The following LILRB3 variants were observed in gnomAD, a reference collection of about 807,000 sequenced individuals.
The protein encoded by LILRB3 is leukocyte immunoglobulin-like receptor subfamily B member 3.
Under a neutral mutation model 68.2 loss-of-function variants are expected in LILRB3, and 32 were observed. The observed-to-expected ratio is 0.47, with a 90% CI of 0.35 to 0.63. The LOEUF (loss-of-function observed/expected upper bound fraction) is 0.63, where lower values mean the gene tolerates loss of function less well. Ranked by LOEUF, LILRB3 falls within the 30% of genes least tolerant of loss-of-function variation. The pLI is 0.00. For missense variants in LILRB3, 502 were observed against 791.3 expected (o/e 0.63, Z 4.39); for synonymous variants, 185 against 323.1 (o/e 0.57, Z 4.58).
chr19:54,220,743 C>G (rs1264869871), exon 6 of LILRB3: 4 of 1,519,954 alleles, frequency 2.6e-6, no homozygotes, highest in Non-Finnish European at 3.5e-6. Flanking sequence ...AAAATACCCC[C>G]GTGACTGACA....
exon 13 of LILRB3, chr19:54,216,664 T>C: frequency 9.6e-7 from 1 of 1,040,454 alleles, no homozygotes; most frequent in South Asian, 3.6e-5. Context: ...ATATTTACAT[T>C]ATCATTCAGT....
rs138012018 is a variant in LILRB3 at position 54,220,687 on chromosome 19, G to A, written c.1099C>T (p.Arg367Cys). 58 of 1,540,990 alleles carry A rather than the reference G, an allele frequency of 3.8e-5. 1 individual carries two copies. The African/African-American group carries it at 3.9e-4, about 10-fold the overall frequency. Residue 367 changes from arginine (R) to cysteine (C), a missense_variant, in exon 6 of 13, where the codon CGT becomes TGT. By Grantham distance (180) the Arg-to-Cys change is radical. Transcript: ENST00000445347. ...TGAGCTCCGTACATTGATCTCAGAC[G>A]CAGTGGGGGATGGGCTGCCCCTTCT...
Position 54,218,743 on chromosome 19 carries a change from G to C in LILRB3, c.1502+20C>G. ...TGGGCTGTGGTGGGTGGGAGTCTGTGGTCTTTGGGGCAGAATTACCTCCTC... is the reference window on the plus strand; with the variant it reads ...TGGGCTGTGGTGGGTGGGAGTCTGTCGTCTTTGGGGCAGAATTACCTCCTC... On this transcript the variant is annotated intron_variant, in intron 9 of 12. Coordinates refer to ENST00000445347, the Ensembl canonical transcript of LILRB3. 1 of 1,614,090 alleles carries C rather than the reference G, an allele frequency of 6.2e-7. No homozygotes were observed. The highest frequency in any genetic ancestry group is 1.7e-5 in the Admixed American group (1 of 60,010).
exon 13 of LILRB3, chr19:54,216,787 T>G (rs1314955983): frequency 8.0e-7 from 1 of 1,247,022 alleles, no homozygotes; most frequent in Non-Finnish European, 1.0e-6. Context: ...TAACTTCTTG[T>G]GTTCAAGGAA....
chr19:54,219,334 C>T (rs2077837904), intron 7 of LILRB3, 89 bp from the exon 8 acceptor site: 3 of 1,485,830 alleles, frequency 2.0e-6, no homozygotes, highest in Non-Finnish European at 9.1e-7. Flanking sequence ...TCCTTCGTGA[C>T]CTCCAACCCT....
chr19:54,219,187 G>A (rs761048888), exon 8 of LILRB3: 2 of 1,606,962 alleles, frequency 1.2e-6, no homozygotes, highest in Non-Finnish European at 8.5e-7. Flanking sequence ...GGAGGAGGAA[G>A]AGCAGCAGGA....
At chr19:54,219,415 G>A (rs2077845788) in intron 7 of LILRB3, 170 bp from the exon 8 acceptor site, 2 of 1,486,502 alleles carry the variant, frequency 1.3e-6, no homozygotes, top group Non-Finnish European at 1.8e-6. Context: ...CTGAGGCTCA[G>A]AGCAGGGAGT....
intron 7 of LILRB3, chr19:54,219,786 C>T: frequency 6.6e-7 from 1 of 1,508,582 alleles, no homozygotes; most frequent in Non-Finnish European, 9.0e-7. Flanking sequence ...ATCACCACCT[C>T]CAGAGGAGCC....
chr19:54,219,218 A>G (rs768688863), exon 8 of LILRB3: 13 of 1,596,752 alleles, frequency 8.1e-6, no homozygotes, highest in East Asian at 6.7e-5. Context: ...CGAGACCCCA[A>G]TCAAAACCTC....
At chr19:54,218,896 A>G (rs1052613854) in intron 8 of LILRB3, 58 bp from the exon 9 acceptor site, 9 of 1,607,748 alleles carry the variant, frequency 5.6e-6, no homozygotes, top group Middle Eastern at 1.7e-4. Flanking sequence ...CATTCTACAC[A>G]TGCAACTTGA....
At position 54,218,637 on chromosome 19, in the gene LILRB3, C is replaced by T. The variant is rs2077733798; in HGVS notation, c.1540+8G>A. 1.2e-6 allele frequency: 2 copies of T among 1,614,186 alleles called. No individual in the cohort carries two copies. Among genetic ancestry groups the T allele is most frequent in the Non-Finnish European group, 1.7e-6 (2 of 1,180,040 alleles). ...AGCACCCCCATTTGTCCCCTCTCTT[C>T]CTCTTACAGAGGTTTTCTTCCTGGA... is the stretch of plus-strand genomic sequence containing the variant. On this transcript the variant is annotated splice_region_variant and intron_variant, in intron 10 of 12. Transcript: ENST00000445347.
At chr19:54,218,270 T>C in intron 11 of LILRB3, 91 bp downstream of exon 11, 1 of 1,545,492 alleles carries the variant, frequency 6.5e-7, no homozygotes, top group Non-Finnish European at 8.9e-7. Context: ...GTGACGATGC[T>C]GAGAGCCGGG....
chr19:54,222,275 C>T lies in LILRB3; in HGVS notation c.355+3G>A, dbSNP rs1415882045. ...GGGCTGGGACCCCAGAGTGTCCTCT[C>T]ACCTGTCATCACCAGCTCCAGGGGG... On this transcript the variant is annotated splice_donor_region_variant and intron_variant, in intron 3 of 12. Transcript: ENST00000445347. 6.2e-7 allele frequency: 1 copy of T among 1,610,886 alleles called. No individual in the cohort carries two copies. The highest frequency in any genetic ancestry group is 1.1e-5 in the South Asian group (1 of 90,862).
intron 11 of LILRB3, 144 bp downstream of exon 11, chr19:54,218,217 A>G (rs114258812): frequency 0.02 from 22,751 of 1,146,256 alleles, 329 homozygotes; most frequent in African/African-American, 0.051. Context: ...GAGTGAGGTC[A>G]CAGCAGGCGG....
chr19:54,221,146 C>T lies in LILRB3; in HGVS notation c.892G>A (p.Gly298Ser), dbSNP rs551725848. The T allele has an allele frequency of 2.3e-5, 27 of 1,169,362 alleles. 5 individuals carry two copies. In the East Asian group the frequency reaches 3.3e-4, roughly 14 times the overall value. The allele number at this position is 1,169,362 out of a possible 1,614,324, so 72.4% of individuals were successfully genotyped here. Residue 298 changes from glycine to serine, a missense_variant, in exon 5 of 13, where the codon GGT becomes AGT. Coordinates refer to ENST00000445347, the Ensembl canonical transcript of LILRB3. ...CACTCGGAGGAGAGGTTGTGTGCAC[C>T]ATAGCACCTGTACTGGCCCCCGTAG...
In LILRB3 at chr19:54,222,149, C is replaced by A. The variant is rs780273165; in HGVS notation, c.356-19G>T. On this transcript the variant is annotated intron_variant, in intron 3 of 12. Coordinates refer to ENST00000445347, the Ensembl canonical transcript of LILRB3. The stretch of plus-strand genomic sequence containing the variant: ...TAGAATCCTAGGAGAGAAAGAGGCA[C>A]CGTGTTAAATGGGGCTCCCACCTCC... 2 of 1,608,302 alleles carry A rather than the reference C, an allele frequency of 1.2e-6. No individual in the cohort carries two copies. Among genetic ancestry groups the A allele is most frequent in the Non-Finnish European group, 1.7e-6 (2 of 1,179,056 alleles).
exon 8 of LILRB3, chr19:54,219,134 G>A: frequency 1.3e-6 from 2 of 1,598,056 alleles, no homozygotes; most frequent in Non-Finnish European, 1.7e-6. Flanking sequence ...CTCACCAGAT[G>A]TCCTGTGTTT....
intron 1 of LILRB3, 35 bp from the exon 2 acceptor site, chr19:54,222,817 A>T: frequency 1.9e-6 from 3 of 1,612,626 alleles, no homozygotes; most frequent in Non-Finnish European, 2.5e-6. Flanking sequence ...ATTTGCCCTG[A>T]AGCCTGAGCA....
At position 54,219,611 on chromosome 19, in the gene LILRB3, C is replaced by A; in HGVS notation, c.1310-366G>T. Reference sequence around the variant, plus strand: ...GTCACCGTCACTGCTGCAGGTGGGACGGGACAGGCCCCTGTGGAATCGGGT... The same window carrying A: ...GTCACCGTCACTGCTGCAGGTGGGAAGGGACAGGCCCCTGTGGAATCGGGT... On this transcript the variant is annotated intron_variant, in intron 7 of 12. Coordinates refer to ENST00000445347, the Ensembl canonical transcript of LILRB3. 2.0e-6 allele frequency: 3 copies of A among 1,529,548 alleles called. No individual in the cohort carries two copies. In the South Asian group the frequency reaches 3.7e-5, roughly 19 times the overall value. The allele number at this position is 1,529,548 out of a possible 1,614,324, so 94.7% of individuals were successfully genotyped here.
Sources: gnomAD v4.1 joint callset for allele counts on GRCh38, gnomAD v4.1.1 for gene constraint, MANE v1.5 for transcripts, NCBI Gene and HGNC (gene_info 2026-07-23, HGNC 2026-07-21) for gene names.